NUMA1: variants seen among roughly 807,000 people sequenced by gnomAD.
NUMA1 encodes SP-H antigen.
Under a neutral mutation model 237.1 loss-of-function variants are expected in NUMA1, and 62 were observed. The observed-to-expected ratio is 0.26, with a 90% confidence interval of 0.21 to 0.32. The LOEUF is 0.32. Among genes scored for constraint, NUMA1 ranks in the 10% least tolerant of loss-of-function variants. NUMA1 has a pLI of 1.00. For synonymous variants in NUMA1, 1,028 were observed against 1,066.1 expected (o/e 0.96, Z 0.70); for missense variants, 2,533 against 2,666.5 (o/e 0.95, Z 1.10).
intron 5 of NUMA1, 189 bp downstream of exon 5, chr11:72,024,085 C>A: frequency 5.2e-6 from 3 of 579,990 alleles, no homozygotes; most frequent in Non-Finnish European, 9.2e-6. Context: ...GGACACTCTT[C>A]TTACACCAAC....
chr11:72,078,692 C>T (rs1238463884), intron 1 of NUMA1, among the ~76,000 whole-genome samples: 1 of 152,228 alleles, frequency 6.6e-6, no homozygotes, highest in Non-Finnish European at 1.5e-5. Context: ...CTTGCTAGAA[C>T]TTAGGCTACG....
intron 2 of NUMA1, 157 bp from the exon 3 acceptor site, chr11:72,036,132 A>G (rs948264207): frequency 3.2e-6 from 2 of 623,870 alleles, no homozygotes; most frequent in Non-Finnish European, 5.7e-6. Flanking sequence ...AGCTGAGTAC[A>G]CATGACAATT....
chr11:72,060,455 G>A (rs1942881496), intron 2 of NUMA1, among the ~76,000 whole-genome samples: 1 of 152,054 alleles, frequency 6.6e-6, no homozygotes, highest in African/African-American at 2.4e-5. Flanking sequence ...ACCAACCTGG[G>A]CAACATGGCG....
intron 7 of NUMA1, 196 bp downstream of exon 7, chr11:72,022,141 CTG>C (rs1463934423): frequency 6.1e-6 from 3 of 489,490 alleles, no homozygotes; most frequent in Admixed American, 3.9e-5. Flanking sequence ...TTAGCAAACT[CTG>C]GGAATGAGTT....
Position 72,014,200 on chromosome 11 carries a change from G to A in NUMA1, c.3303C>T (p.His1101=), listed in dbSNP as rs371995978. ...KEQLAKKEKE[H]ASGSGAQSEA... ...CAGATTGGGCTCCTGAGCCAGATGC[G>A]TGCTCCTTTTCTTTCTTAGCCAGCT... The change falls in exon 15 of 27, where the codon CAC becomes CAT. Residue 1101 remains histidine (H), a synonymous_variant. Transcript: ENST00000393695. The surrounding 1 kb of genome is among the most constrained non-coding windows in gnomAD (Gnocchi z 4.6). 4.0e-5 allele frequency: 64 copies of A among 1,613,856 alleles called. No homozygotes were observed. Among genetic ancestry groups the A allele is most frequent in the African/African-American group, 2.5e-4 (19 of 74,926 alleles).
intron 2 of NUMA1, chr11:72,040,870 G>GC (rs533113278): frequency 9.5e-4 from 145 of 151,936 alleles, no homozygotes; most frequent in Non-Finnish European, 1.5e-3. Flanking sequence ...GGTGAGGGGG[G>GC]AGAATCCACC....
chr11:72,019,149 G>C (rs895945423), intron 9 of NUMA1, 169 bp from the exon 10 acceptor site: 3 of 706,450 alleles, frequency 4.2e-6, no homozygotes, highest in African/African-American at 3.6e-5. Context: ...CATGATCTTG[G>C]GAAAACTTTT....
intron 2 of NUMA1, among the ~76,000 whole-genome samples, chr11:72,046,382 TA>T (rs1304945268): frequency 6.6e-6 from 1 of 152,002 alleles, no homozygotes; most frequent in Non-Finnish European, 1.5e-5. Flanking sequence ...CCATCTCTAC[TA>T]AAAATACAAA....
At chr11:72,064,808 G>C (rs1591072976) in intron 2 of NUMA1, among the ~76,000 whole-genome samples, 2 of 151,892 alleles carry the variant, frequency 1.3e-5, no homozygotes, top group South Asian at 2.1e-4. Context: ...ACTGAAGCCT[G>C]GGTGAGAGAG....
chr11:72,053,833 T>C (rs1460163186), intron 2 of NUMA1, among the ~76,000 whole-genome samples: 4 of 152,174 alleles, frequency 2.6e-5, no homozygotes, highest in African/African-American at 9.7e-5. Flanking sequence ...GCATCTGTAC[T>C]GAAGATGTAT....
intron 4 of NUMA1, 42 bp from the exon 5 acceptor site, chr11:72,024,395 C>T: frequency 1.3e-6 from 2 of 1,549,426 alleles, no homozygotes; most frequent in Non-Finnish European, 8.9e-7. Context: ...ATTCAGCAAT[C>T]TTTGCCTCCT....
intron 2 of NUMA1, among the ~76,000 whole-genome samples, chr11:72,044,230 A>G (rs573393454): frequency 6.6e-6 from 1 of 152,318 alleles, no homozygotes; most frequent in Admixed American, 6.5e-5. Context: ...GAACTTTAGT[A>G]TCCCTATTTG....
At chr11:72,046,984 T>G (rs1942037904) in intron 2 of NUMA1, among the ~76,000 whole-genome samples, 1 of 151,770 alleles carries the variant, frequency 6.6e-6, no homozygotes, top group Non-Finnish European at 1.5e-5. Flanking sequence ...AAAAAGAATT[T>G]TAAATTAAAA....
In NUMA1 at chr11:72,004,359, G is replaced by A. The variant is rs2134354109; in HGVS notation, c.6007-18C>T. 2 of 1,601,696 alleles carry A rather than the reference G, an allele frequency of 1.2e-6. No homozygotes were observed. Among genetic ancestry groups the A allele is most frequent in the Middle Eastern group, 1.7e-4 (1 of 6,028 alleles). On this transcript the variant is annotated intron_variant, in intron 24 of 26. Transcript: ENST00000393695. The stretch of plus-strand genomic sequence containing the variant: ...TTCTTAGACTATGGAGAAGAGGACA[G>A]TTAGGCAGACAGTAGCAAGAGGAGT...
intron 1 of NUMA1, among the ~76,000 whole-genome samples, chr11:72,073,592 C>G (rs1293324534): frequency 6.6e-6 from 1 of 152,086 alleles, no homozygotes; most frequent in Non-Finnish European, 1.5e-5. Flanking sequence ...AAACTTTTTT[C>G]AAATATACGC....
chr11:72,021,730 A>G (rs1042047968), intron 7 of NUMA1, among the ~76,000 whole-genome samples: 1 of 152,154 alleles, frequency 6.6e-6, no homozygotes, highest in African/African-American at 2.4e-5. Flanking sequence ...CAGCTCCCCA[A>G]GTAGCTAGAA....
chr11:72,015,816 T>C lies in NUMA1; in HGVS notation c.1687A>G (p.Lys563Glu), dbSNP rs751541258. ...VEQLSSSLKQ[K>E]EQQLKEVAEK... The stretch of plus-strand genomic sequence containing the variant: ...GCTACCTCCTTCAACTGCTGCTCCT[T>C]CTGCTTCAGGCTACTGCTTAGCTGC... The change falls in exon 15 of 27, where the codon AAG (lysine) becomes GAG (glutamate). Residue 563 changes from lysine (K) to glutamate (E), a missense_variant. Lys to Glu is a moderately conservative substitution (Grantham distance 56, BLOSUM62 1). This residue lies in a region of NUMA1 where 1,414 missense variants were observed against 1,508.1 expected (regional missense o/e 0.94). Coordinates refer to ENST00000393695, the MANE Select transcript of NUMA1 (RefSeq NM_006185.4). The surrounding 1 kb of genome is among the most constrained non-coding windows in gnomAD (Gnocchi z 4.0). 3.1e-6 allele frequency: 5 copies of C among 1,614,212 alleles called. No homozygotes were observed. The Admixed American group carries it at 8.3e-5, about 27-fold the overall frequency.
chr11:72,015,221 C>G lies in NUMA1; in HGVS notation c.2282G>C (p.Arg761Thr). Residue 761 changes from arginine (R) to threonine (T), a missense_variant, in exon 15 of 27, where the codon AGG becomes ACG. This residue lies in a region of NUMA1 where 1,414 missense variants were observed against 1,508.1 expected (regional missense o/e 0.94). Transcript: ENST00000393695. This position sits in a 1 kb window ranked among gnomAD's most constrained non-coding sequence, Gnocchi z 4.0. ...KRERKELEEE[R>T]AGRKGLEARL... is the part of the protein sequence containing the mutation. ...AGCCTCCAGCCCCTTGCGCCCAGCC[C>G]TCTCTTCTTCCAGCTCCTTTCGTTC... 2 of 1,613,564 alleles carry G rather than the reference C, an allele frequency of 1.2e-6. No individual in the cohort carries two copies. The highest frequency in any genetic ancestry group is 1.7e-6 in the Non-Finnish European group (2 of 1,180,044).
intron 2 of NUMA1, among the ~76,000 whole-genome samples, chr11:72,053,853 TTTC>T (rs1942495994): frequency 6.6e-6 from 1 of 152,252 alleles, no homozygotes; most frequent in Non-Finnish European, 1.5e-5. Context: ...TAAACTTTTT[TTTC>T]TTGTCATTAT....
Sources: gnomAD v4.1 joint callset for allele counts (sites outside exome capture counted in the v4.1 genomes callset) on GRCh38, gnomAD v4.1.1 for gene constraint, gnomAD v4.1.1 regional missense constraint, Gnocchi (gnomAD v3.1) non-coding constraint, MANE v1.5 for transcripts, NCBI Gene and HGNC (gene_info 2026-07-23, HGNC 2026-07-21) for gene names.